Variants in GAMT observed in about 807,000 individuals in gnomAD.
GAMT encodes the protein guanidinoacetate N-methyltransferase, also known as epididymis secretory protein Li 20.
In GAMT, 26 loss-of-function variants were observed where a neutral mutation model predicts 26.9. The ratio of observed to expected loss-of-function variants is 0.97; its 90% CI spans 0.71 to 1.34. GAMT has a LOEUF of 1.34. GAMT is among the 40% of genes most tolerant of loss of function. The pLI is 0.00. For missense variants in GAMT, 412 were observed against 345.0 expected (o/e 1.19, Z -1.54); for synonymous variants, 169 against 149.6 (o/e 1.13, Z -0.95).
chr19:1,401,186 G>C (rs2082631381), intron 1 of GAMT, 110 bp downstream of exon 1: 1 of 999,866 alleles, frequency 1.0e-6, no homozygotes, highest in Admixed American at 4.2e-5. Context: ...CAGGCGAGGA[G>C]ACAGAGGCGC....
intron 5 of GAMT, chr19:1,398,554 G>T: frequency 1.6e-6 from 1 of 623,886 alleles, no homozygotes; most frequent in Non-Finnish European, 2.8e-6. Flanking sequence ...TCCTACCTCA[G>T]CCTCCCAAGT....
Position 1,399,037 on chromosome 19 carries a change from G to A in GAMT, c.460-11C>T. 6.2e-7 allele frequency: 1 copy of A among 1,613,420 alleles called. No homozygotes were observed. The highest frequency in any genetic ancestry group is 8.5e-7 in the Non-Finnish European group (1 of 1,180,000). ...GCGAAAGGCGTGGTTCTGTGGAAGGGGAGTGGCCAGTGGTCAGGACGGAGG... is the reference window on the plus strand; with the variant it reads ...GCGAAAGGCGTGGTTCTGTGGAAGGAGAGTGGCCAGTGGTCAGGACGGAGG... On this transcript the variant is annotated splice_polypyrimidine_tract_variant and intron_variant, in intron 4 of 5. Coordinates refer to ENST00000252288, the MANE Select transcript of GAMT (RefSeq NM_000156.6). The surrounding 1 kb of genome is among the most constrained non-coding windows in gnomAD (Gnocchi z 6.2).
intron 5 of GAMT, chr19:1,398,674 G>A (rs1435358483): frequency 2.1e-6 from 3 of 1,413,506 alleles, no homozygotes; most frequent in Non-Finnish European, 2.9e-6. Flanking sequence ...GAACTCCTAG[G>A]CTCAAGCAAT....
intron 1 of GAMT, among the ~76,000 whole-genome samples, chr19:1,400,799 A>G (rs112908992): frequency 0.039 from 6,014 of 152,284 alleles, 410 homozygotes; most frequent in African/African-American, 0.14. Flanking sequence ...GGGGCCAGGG[A>G]GTCCTTTCTT....
Position 1,399,404 on chromosome 19 carries a change from G to T in GAMT, c.391+120C>A. The T allele has an allele frequency of 9.2e-7, 1 of 1,090,298 alleles. No homozygotes were observed. Among genetic ancestry groups the T allele is most frequent in the Non-Finnish European group, 1.4e-6 (1 of 735,890 alleles). The allele number at this position is 1,090,298 out of a possible 1,614,324, so 67.5% of individuals were successfully genotyped here. A position where few individuals can be genotyped will look rare whatever the true frequency, so the allele number is the denominator to read the frequency against. ...CCGGTGCTCCGCCATCCCACAGCCAGGCCCACACCCACTTGGGCTCTGTCC... is the reference window on the plus strand; with the variant it reads ...CCGGTGCTCCGCCATCCCACAGCCATGCCCACACCCACTTGGGCTCTGTCC... On this transcript the variant is annotated intron_variant, in intron 3 of 5. Transcript: ENST00000252288. This position sits in a 1 kb window ranked among gnomAD's most constrained non-coding sequence, Gnocchi z 6.2.
Position 1,399,405 on chromosome 19 carries a change from G to T in GAMT, c.391+119C>A. On this transcript the variant is annotated intron_variant, in intron 3 of 5. Coordinates refer to ENST00000252288, the MANE Select transcript of GAMT (RefSeq NM_000156.6). The surrounding 1 kb of genome is among the most constrained non-coding windows in gnomAD (Gnocchi z 6.2). ...CGGTGCTCCGCCATCCCACAGCCAG[G>T]CCCACACCCACTTGGGCTCTGTCCC... The T allele has an allele frequency of 1.8e-6, 2 of 1,091,038 alleles. No homozygotes were observed. Among genetic ancestry groups the T allele is most frequent in the Non-Finnish European group, 2.7e-6 (2 of 736,694 alleles). 67.6% of individuals were successfully genotyped at this position (1,091,038 alleles called of 1,614,324 possible). A position where few individuals can be genotyped will look rare whatever the true frequency, so the allele number is the denominator to read the frequency against.
At chr19:1,400,971 G>A (rs2082630346) in intron 1 of GAMT, among the ~76,000 whole-genome samples, 1 of 152,184 alleles carries the variant, frequency 6.6e-6, no homozygotes, top group African/African-American at 2.4e-5. Context: ...CCTTCCTCCC[G>A]ACCTCAGACA....
In GAMT at chr19:1,401,538, G is replaced by A; in HGVS notation, c.-62C>T. The A allele has an allele frequency of 2.6e-6, 3 of 1,144,564 alleles. No homozygotes were observed. Among genetic ancestry groups the A allele is most frequent in the Non-Finnish European group, 3.3e-6 (3 of 909,200 alleles). The allele number at this position is 1,144,564 out of a possible 1,614,324, so 70.9% of individuals were successfully genotyped here. A position where few individuals can be genotyped will look rare whatever the true frequency, so the allele number is the denominator to read the frequency against. On this transcript the variant is annotated 5_prime_UTR_variant, in exon 1 of 6. Transcript: ENST00000252288. ...GCCGCCCGGGCCCGCTCCCTGCAGG[G>A]GCTTGTGGGCCGGGGGCGGGTCCAA...
At chr19:1,398,429 T>C in intron 5 of GAMT, 1 of 376,870 alleles carries the variant, frequency 2.7e-6, no homozygotes. Flanking sequence ...ATTTTCTTTC[T>C]TTCTTTCTTT....
At chr19:1,397,930 G>C in intron 5 of GAMT, 12 of 1,076,860 alleles carry the variant, frequency 1.1e-5, no homozygotes, top group Non-Finnish European at 1.4e-5. Context: ...CAGATAGGCC[G>C]CCTCCACCAG....
rs1013344063 is a variant in GAMT, at chr19:1,397,306, C to T, written c.*53G>A. 24 of 1,566,096 alleles carry T rather than the reference C, an allele frequency of 1.5e-5. No individual in the cohort carries two copies. Among genetic ancestry groups the T allele is most frequent in the African/African-American group, 4.1e-5 (3 of 73,880 alleles). On this transcript the variant is annotated 3_prime_UTR_variant, in exon 6 of 6. Transcript: ENST00000252288. ...GGGCTGGTGCGACACCCTGGACTCC[C>T]GGCCAGGAAGGCACGGAGGAGGGCA...
At chr19:1,397,752 CCACAG>C in intron 5 of GAMT, 1 of 1,396,022 alleles carries the variant, frequency 7.2e-7, no homozygotes, top group Non-Finnish European at 9.3e-7. Flanking sequence ...GGCACCTACT[CCACAG>C]TTCTCCAGAC....
rs759367191 is a variant in GAMT, at chr19:1,399,245, A to G, written c.392-50T>C. ...CGGTCAGGGCCGGGCTCAGCGCCTCACCCAGCCTCACCCGGCTCATCCCCC... is the reference window on the plus strand; with the variant it reads ...CGGTCAGGGCCGGGCTCAGCGCCTCGCCCAGCCTCACCCGGCTCATCCCCC... On this transcript the variant is annotated intron_variant, in intron 3 of 5. Transcript: ENST00000252288. This position sits in a 1 kb window ranked among gnomAD's most constrained non-coding sequence, Gnocchi z 6.2. 1 of 1,583,914 alleles carries G rather than the reference A, an allele frequency of 6.3e-7. No individual in the cohort carries two copies. Among genetic ancestry groups the G allele is most frequent in the South Asian group, 1.1e-5 (1 of 90,500 alleles).
rs773283573 is a variant in GAMT at position 1,399,830 on chromosome 19, T to G, written c.290A>C (p.Gln97Pro). The G allele has an allele frequency of 1.9e-6, 3 of 1,587,464 alleles. No homozygotes were observed. The highest frequency in any genetic ancestry group is 2.6e-6 in the Non-Finnish European group (3 of 1,167,580). Residue 97 changes from glutamine to proline, a missense_variant, in exon 2 of 6, where the codon CAG (glutamine) becomes CCG (proline). Coordinates refer to ENST00000252288, the MANE Select transcript of GAMT (RefSeq NM_000156.6). This position sits in a 1 kb window ranked among gnomAD's most constrained non-coding sequence, Gnocchi z 6.2. ...CCGTGGGGCCCAGTCCCGGAGCCGC[T>G]GGAAGACGCCGTCATTGCACTCGAT... The part of the protein sequence containing the change: ...WIIECNDGVF[Q>P]RLRDWAPRQT...
rs148733734 is a variant in GAMT at position 1,397,357 on chromosome 19, G to A, written c.*2C>T. 2.5e-6 allele frequency: 4 copies of A among 1,609,804 alleles called. No homozygotes were observed. Among genetic ancestry groups the A allele is most frequent in the South Asian group, 1.1e-5 (1 of 90,842 alleles). On this transcript the variant is annotated 3_prime_UTR_variant, in exon 6 of 6. Transcript: ENST00000252288. ...TGGGTGTGGCCGGGCCGGGGTGGGG[G>A]CTCAGCCTTTGGTCACCAGGGGCGT...
rs774971648 is a variant in GAMT, at chr19:1,401,322, G to C, written c.155C>G (p.Ala52Gly). Reference sequence around the variant, plus strand: ...TTTGGAGGAGGCGGCGGCGGCCAGCGCGTGCATATAGGGGGTCTCCCAGCG... The same window carrying C: ...TTTGGAGGAGGCGGCGGCGGCCAGCCCGTGCATATAGGGGGTCTCCCAGCG... ...MERWETPYMH[A>G]LAAAASSKGG... The change falls in exon 1 of 6, where the codon GCG (alanine) becomes GGG (glycine). Residue 52 changes from alanine to glycine, a missense_variant. Transcript: ENST00000252288. The C allele has an allele frequency of 6.6e-7, 1 of 1,522,226 alleles. No homozygotes were observed. The highest frequency in any genetic ancestry group is 1.2e-5 in the South Asian group (1 of 82,312). 94.3% of individuals were successfully genotyped at this position (1,522,226 alleles called of 1,614,324 possible).
chr19:1,399,295 G>T lies in GAMT; in HGVS notation c.392-100C>A. The T allele has an allele frequency of 7.3e-7, 1 of 1,368,902 alleles. No homozygotes were observed. 84.8% of individuals were successfully genotyped at this position (1,368,902 alleles called of 1,614,324 possible). A position where few individuals can be genotyped will look rare whatever the true frequency, so the allele number is the denominator to read the frequency against. On this transcript the variant is annotated intron_variant, in intron 3 of 5. Transcript: ENST00000252288. This position sits in a 1 kb window ranked among gnomAD's most constrained non-coding sequence, Gnocchi z 6.2. ...CAGCGGGTGGAGGTGCAGTGAGACG[G>T]GGCCGTGGGTAGAGGTGGGGCTCCC...
intron 5 of GAMT, chr19:1,397,981 G>A: frequency 9.7e-7 from 1 of 1,035,552 alleles, no homozygotes; most frequent in Non-Finnish European, 1.2e-6. Context: ...AACCAGCAAA[G>A]ACAGCCAGGT....
intron 1 of GAMT, 122 bp from the exon 2 acceptor site, chr19:1,400,060 G>T: frequency 2.5e-6 from 3 of 1,203,016 alleles, no homozygotes; most frequent in Non-Finnish European, 1.2e-6. Context: ...GCAGGGCTGG[G>T]CTGGGGGTCT....
Sources: gnomAD v4.1 joint callset for allele counts (sites outside exome capture counted in the v4.1 genomes callset) on GRCh38, gnomAD v4.1.1 for gene constraint, Gnocchi (gnomAD v3.1) non-coding constraint, MANE v1.5 for transcripts, NCBI Gene and HGNC (gene_info 2026-07-23, HGNC 2026-07-21) for gene names.